NDEL1: variants seen among roughly 807,000 people sequenced by gnomAD.
NDEL1 encodes nudE neurodevelopment protein 1 like 1, also known as nuclear distribution protein nudE-like 1.
A neutral mutation model predicts 45.7 loss-of-function variants in NDEL1; 9 were observed. That is an observed-to-expected ratio of 0.20 (90% CI 0.12 to 0.34). The LOEUF is 0.34. Among genes scored for constraint, NDEL1 ranks in the 10% least tolerant of loss-of-function variants. The pLI, the probability that NDEL1 is intolerant of heterozygous loss-of-function variation, is 1.00. For missense variants in NDEL1, 306 were observed against 406.2 expected (o/e 0.75, Z 2.12); for synonymous variants, 133 against 158.6 (o/e 0.84, Z 1.21).
At chr17:8,471,731 CAT>C (rs1229791777), downstream of NDEL1, among the ~76,000 whole-genome samples, 1 of 152,172 alleles carries the variant, frequency 6.6e-6, no homozygotes, top group Admixed American at 6.5e-5. Context: ...TCAATAGCTT[CAT>C]ATAAGATTCC....
At chr17:8,434,271 G>T (rs1046169697), upstream of NDEL1, among the ~76,000 whole-genome samples, 4 of 152,142 alleles carry the variant, frequency 2.6e-5, no homozygotes, top group Non-Finnish European at 4.4e-5. Context: ...TGTCGCCCAG[G>T]TTAGAGTGCA....
At chr17:8,456,341 G>A (rs1055189273) in intron 7 of NDEL1, among the ~76,000 whole-genome samples, 7 of 151,998 alleles carry the variant, frequency 4.6e-5, no homozygotes, top group African/African-American at 1.7e-4. Context: ...TGGAGTATTT[G>A]TCTTTATAAC....
chr17:8,449,592 T>C (rs4344810), intron 5 of NDEL1, among the ~76,000 whole-genome samples: 146,989 of 152,332 alleles, frequency 0.96, 71,147 homozygotes, highest in East Asian at 1. Flanking sequence ...CACAGTTCTA[T>C]TTTCTATGAG....
At chr17:8,460,185 T>C (rs1327791290) in intron 8 of NDEL1, 25 bp downstream of exon 8, 6 of 1,598,372 alleles carry the variant, frequency 3.8e-6, no homozygotes, top group African/African-American at 1.3e-5. Context: ...TTTTAAGTGA[T>C]AATTTTTTGA....
chr17:8,428,887 A>G (rs930133516), intron 1 of NDEL1, among the ~76,000 whole-genome samples: 2 of 146,898 alleles, frequency 1.4e-5, no homozygotes, highest in African/African-American at 2.5e-5. Flanking sequence ...GTTAGCCAAG[A>G]TGGTCTCGAT....
intron 7 of NDEL1, among the ~76,000 whole-genome samples, chr17:8,459,159 G>A (rs1335744573): frequency 6.6e-6 from 1 of 152,152 alleles, no homozygotes; most frequent in Non-Finnish European, 1.5e-5. Flanking sequence ...TTACTGTCAT[G>A]GATAATAGAC....
chr17:8,456,479 T>A (rs1391474426), intron 7 of NDEL1, among the ~76,000 whole-genome samples: 2 of 149,864 alleles, frequency 1.3e-5, no homozygotes, highest in Admixed American at 1.4e-4. Flanking sequence ...TTTCTGAATG[T>A]ATTAGGTTAT....
chr17:8,428,360 G>A (rs954569406), intron 1 of NDEL1, among the ~76,000 whole-genome samples: 2,686 of 27,200 alleles, frequency 0.099, 53 homozygotes, highest in African/African-American at 0.13. Flanking sequence ...GTGTGTGTGT[G>A]TATTTTTTTT....
chr17:8,451,648 G>A (rs952936378), intron 6 of NDEL1, among the ~76,000 whole-genome samples: 3 of 151,806 alleles, frequency 2.0e-5, no homozygotes, highest in Admixed American at 6.6e-5. Flanking sequence ...TTTAAAATCC[G>A]GATAAGCAGA....
At chr17:8,462,122 G>C (rs1911248772) in intron 8 of NDEL1, among the ~76,000 whole-genome samples, 1 of 151,702 alleles carries the variant, frequency 6.6e-6, no homozygotes, top group African/African-American at 2.4e-5. Context: ...TCTGCCCCTT[G>C]AGAGCATCCG....
chr17:8,432,359 A>AATATATATATATTATATATAAATAT, upstream of NDEL1, among the ~76,000 whole-genome samples: 1 of 59,822 alleles, frequency 1.7e-5, no homozygotes, highest in South Asian at 4.8e-4. Flanking sequence ...TATAAATATA[A>AATATATATATATTATATATAAATAT]ATATATATAT....
intron 4 of NDEL1, among the ~76,000 whole-genome samples, chr17:8,447,982 C>CGGGGGGGGGGTGGG (rs34891973): frequency 1.9e-5 from 2 of 107,714 alleles, no homozygotes; most frequent in Non-Finnish European, 3.9e-5. Flanking sequence ...GGGAGGTGGG[C>CGGGGGGGGGGTGGG]GGGGGGGGGG....
chr17:8,468,457 C>T (rs1477782883), downstream of NDEL1, among the ~76,000 whole-genome samples: 1 of 152,204 alleles, frequency 6.6e-6, no homozygotes, highest in Non-Finnish European at 1.5e-5. Context: ...TCACAAAGTC[C>T]CAGAGTAACT....
At chr17:8,428,320 T>TG (rs1200521119) in intron 1 of NDEL1, among the ~76,000 whole-genome samples, 2 of 134,548 alleles carry the variant, frequency 1.5e-5, no homozygotes, top group East Asian at 2.3e-4. Flanking sequence ...CTCAAGTGTG[T>TG]GTGGTGTGTG....
At chr17:8,418,947 C>G (rs1908638607) in intron 1 of NDEL1, among the ~76,000 whole-genome samples, 1 of 151,974 alleles carries the variant, frequency 6.6e-6, no homozygotes, top group Non-Finnish European at 1.5e-5. Flanking sequence ...CTCCTGGGCT[C>G]AAGTGATCCT....
chr17:8,467,188 C>T lies in NDEL1; in HGVS notation c.*165C>T. 1 of 662,788 alleles carries T rather than the reference C, an allele frequency of 1.5e-6. No individual in the cohort carries two copies. Among genetic ancestry groups the T allele is most frequent in the Non-Finnish European group, 2.6e-6 (1 of 381,600 alleles). The allele number at this position is 662,788 out of a possible 1,614,324, so 41.1% of individuals were successfully genotyped here. ...GGCGGCTACTGGGCCCTGCCCAGCC[C>T]CGGAACTCTGCGCGATATCAATACT... On this transcript the variant is annotated 3_prime_UTR_variant, in exon 9 of 9. Transcript: ENST00000334527. The surrounding 1 kb of genome is among the most constrained non-coding windows in gnomAD (Gnocchi z 6.3).
rs757064210 is a variant in NDEL1 at position 8,444,384 on chromosome 17, A to C, written c.86+27A>C. ...TAATGTTGGAAAGCACACTAAAAGT[A>C]GGGGAGGGCATTTGGAATACACCGT... On this transcript the variant is annotated intron_variant, in intron 2 of 8. Transcript: ENST00000334527. 3 of 1,488,276 alleles carry C rather than the reference A, an allele frequency of 2.0e-6. No homozygotes were observed. The East Asian group carries it at 6.8e-5, about 34-fold the overall frequency. The allele number at this position is 1,488,276 out of a possible 1,614,324, so 92.2% of individuals were successfully genotyped here. A position where few individuals can be genotyped will look rare whatever the true frequency, so the allele number is the denominator to read the frequency against.
intron 5 of NDEL1, among the ~76,000 whole-genome samples, chr17:8,450,034 G>T (rs1342212145): frequency 6.6e-6 from 1 of 152,174 alleles, no homozygotes; most frequent in African/African-American, 2.4e-5. Context: ...TGTAATTCTA[G>T]CACTTTGGGA....
chr17:8,448,851 C>T (rs1009760457), intron 5 of NDEL1, among the ~76,000 whole-genome samples, 165 bp downstream of exon 5: 3 of 152,108 alleles, frequency 2.0e-5, no homozygotes, highest in African/African-American at 4.8e-5. Flanking sequence ...TTCATATATA[C>T]GGGCTGACTG....
Sources: allele counts gnomAD v4.1 joint callset (sites outside exome capture counted in the v4.1 genomes callset), GRCh38; gene constraint gnomAD v4.1.1; non-coding constraint Gnocchi (gnomAD v3.1); transcripts MANE v1.5; gene names NCBI Gene and HGNC (gene_info 2026-07-23, HGNC 2026-07-21).